Variants in PTPRD observed in about 807,000 individuals in gnomAD.
PTPRD encodes the protein receptor-type tyrosine-protein phosphatase delta.
Under a neutral mutation model 214.5 loss-of-function variants are expected in PTPRD, and 34 were observed. The ratio of observed to expected loss-of-function variants is 0.16; its 90% CI spans 0.12 to 0.21. PTPRD has a LOEUF of 0.21. PTPRD is among the 10% of genes least tolerant of loss of function. The pLI, the probability that PTPRD is intolerant of heterozygous loss-of-function variation, is 1.00. For missense variants in PTPRD, 2,545 were observed against 2,398.7 expected, an observed-to-expected ratio of 1.06 and a Z score of -1.27; for synonymous variants, 1,128 against 845.7, an observed-to-expected ratio of 1.33 and a Z score of -5.79.
rs539810573 is a variant in PTPRD at position 9,175,398 on chromosome 9, G to A, written c.-143+7906C>T. On this transcript the variant is annotated intron_variant, in intron 10 of 45. Transcript: ENST00000381196. Reference sequence around the variant, plus strand: ...AGCACTTTGGGAGGCCAAGGCAGGTGGATCACGAGGTCAGGAGTTCGAGAC... The same window carrying A: ...AGCACTTTGGGAGGCCAAGGCAGGTAGATCACGAGGTCAGGAGTTCGAGAC... Among the ~76,000 whole-genome samples, 4 of 151,992 alleles carry A rather than the reference G, an allele frequency of 2.6e-5. No individual in the cohort carries two copies. In the East Asian group the frequency reaches 7.8e-4, roughly 30 times the overall value.
At chr9:9,750,225 T>C (rs533551088) in intron 6 of PTPRD, among the ~76,000 whole-genome samples, 23 of 152,284 alleles carry the variant, frequency 1.5e-4, no homozygotes, top group African/African-American at 5.1e-4. Context: ...CTAGCAATTA[T>C]ATACTTTATG....
At chr9:9,681,026 A>C (rs894191183) in intron 7 of PTPRD, among the ~76,000 whole-genome samples, 2 of 151,814 alleles carry the variant, frequency 1.3e-5, no homozygotes, top group African/African-American at 4.8e-5. Flanking sequence ...ACAGAGCAGC[A>C]GTTGGAAATT....
chr9:9,762,331 C>G (rs1373749008), intron 6 of PTPRD, among the ~76,000 whole-genome samples: 5 of 152,186 alleles, frequency 3.3e-5, no homozygotes, highest in Non-Finnish European at 7.3e-5. Flanking sequence ...ATCCCAAAAG[C>G]TCTTCTTGAA....
intron 12 of PTPRD, among the ~76,000 whole-genome samples, chr9:8,680,986 T>G (rs2097539179): frequency 6.6e-6 from 1 of 152,158 alleles, no homozygotes; most frequent in Non-Finnish European, 1.5e-5. Context: ...GAACACATTT[T>G]CCTATATTTC....
chr9:9,830,211 TAAA>T (rs1318206050), intron 5 of PTPRD, among the ~76,000 whole-genome samples: 1 of 151,884 alleles, frequency 6.6e-6, no homozygotes, highest in Non-Finnish European at 1.5e-5. Context: ...CAAATATTTT[TAAA>T]AAGTTTTATT....
At chr9:10,489,908 T>G (rs2099156145) in intron 2 of PTPRD, among the ~76,000 whole-genome samples, 1 of 152,200 alleles carries the variant, frequency 6.6e-6, no homozygotes, top group South Asian at 2.1e-4. Flanking sequence ...CTCCAGACTA[T>G]TTTGCTTACC....
chr9:10,013,789 T>C (rs888063877), intron 4 of PTPRD, among the ~76,000 whole-genome samples: 2 of 152,022 alleles, frequency 1.3e-5, no homozygotes, highest in Non-Finnish European at 2.9e-5. Context: ...TTTAAATTTC[T>C]GCTAGCTATT....
intron 11 of PTPRD, among the ~76,000 whole-genome samples, chr9:8,771,583 T>C (rs547983042): frequency 6.6e-6 from 1 of 152,290 alleles, no homozygotes; most frequent in Non-Finnish European, 1.5e-5. Context: ...TTCTCTTTGG[T>C]TTGTCACTTG....
intron 9 of PTPRD, among the ~76,000 whole-genome samples, chr9:9,266,488 C>G (rs906447641): frequency 2.0e-5 from 3 of 151,008 alleles, no homozygotes; most frequent in Non-Finnish European, 4.4e-5. Flanking sequence ...CAAGATAGAA[C>G]ATTTATTAGG....
chr9:8,317,087 C>CCAAT lies in PTPRD; in HGVS notation c.*783_*786dup, dbSNP rs555178709. 1.7e-4 allele frequency: 38 copies of CCAAT among 227,964 alleles called. No homozygotes were observed. Among genetic ancestry groups the CCAAT allele is most frequent in the East Asian group, 1.6e-3 (26 of 16,332 alleles). 14.1% of individuals were successfully genotyped at this position (227,964 alleles called of 1,614,324 possible). On this transcript the variant is annotated 3_prime_UTR_variant, in exon 46 of 46. Transcript: ENST00000381196. The stretch of plus-strand genomic sequence containing the variant: ...TTTGAAGAGAATGGGTACTTTCTCA[C>CCAAT]CAATCAAAACTGAAGTGTAAAATTA...
chr9:10,031,562 A>G (rs1342057023), intron 4 of PTPRD, among the ~76,000 whole-genome samples: 1 of 149,152 alleles, frequency 6.7e-6, no homozygotes, highest in Non-Finnish European at 1.5e-5. Flanking sequence ...CTCCTCCTCA[A>G]GCTTGCAGAC....
At chr9:9,997,976 G>C (rs1166691456) in intron 4 of PTPRD, among the ~76,000 whole-genome samples, 1 of 151,692 alleles carries the variant, frequency 6.6e-6, no homozygotes, top group African/African-American at 2.4e-5. Context: ...GATACCAATC[G>C]CCTGGGCCAT....
At chr9:10,224,486 T>C (rs1041424753) in intron 3 of PTPRD, among the ~76,000 whole-genome samples, 1 of 152,084 alleles carries the variant, frequency 6.6e-6, no homozygotes, top group Middle Eastern at 3.2e-3. Context: ...TAAAACTCTT[T>C]ACAGTAGTGC....
intron 10 of PTPRD, among the ~76,000 whole-genome samples, chr9:9,146,831 A>C (rs1592399506): frequency 6.6e-6 from 1 of 152,296 alleles, no homozygotes; most frequent in East Asian, 1.9e-4. Flanking sequence ...TAGGAAACAT[A>C]GTTTATAAAT....
At chr9:10,245,527 C>T (rs1160408966) in intron 3 of PTPRD, among the ~76,000 whole-genome samples, 1 of 152,176 alleles carries the variant, frequency 6.6e-6, no homozygotes, top group African/African-American at 2.4e-5. Context: ...ACAAGCACTA[C>T]ATGATAAATA....
At chr9:8,937,574 G>A (rs2099006213) in intron 11 of PTPRD, among the ~76,000 whole-genome samples, 1 of 152,088 alleles carries the variant, frequency 6.6e-6, no homozygotes, top group Admixed American at 6.6e-5. Flanking sequence ...CCTCAGAGAG[G>A]CCCTATTCCT....
At chr9:9,736,225 A>AT (rs1319033459) in intron 6 of PTPRD, among the ~76,000 whole-genome samples, 1 of 152,054 alleles carries the variant, frequency 6.6e-6, no homozygotes, top group Non-Finnish European at 1.5e-5. Flanking sequence ...AAGTATCTGG[A>AT]TTTTTTGTCC....
intron 9 of PTPRD, among the ~76,000 whole-genome samples, chr9:9,258,872 G>T (rs551691445): frequency 6.6e-6 from 1 of 151,780 alleles, no homozygotes; most frequent in South Asian, 2.1e-4. Flanking sequence ...AATTTCTTTG[G>T]AAAAGGGATT....
chr9:9,780,841 C>T (rs917838405), intron 5 of PTPRD, among the ~76,000 whole-genome samples: 1 of 152,152 alleles, frequency 6.6e-6, no homozygotes, highest in African/African-American at 2.4e-5. Flanking sequence ...TAGTGGAATA[C>T]TATTCATTGA....
Sources: allele counts gnomAD v4.1 joint callset (sites outside exome capture counted in the v4.1 genomes callset), GRCh38; gene constraint gnomAD v4.1.1; transcripts MANE v1.5; gene names NCBI Gene and HGNC (gene_info 2026-07-23, HGNC 2026-07-21).